The following STX11 variants were observed in gnomAD, a reference collection of about 807,000 sequenced individuals.
STX11 encodes the protein syntaxin-11.
STX11 carries 21 observed loss-of-function variants against 19.9 expected under a neutral mutation model. The ratio of observed to expected loss-of-function variants is 1.06; its 90% CI spans 0.75 to 1.52. The LOEUF (loss-of-function observed/expected upper bound fraction) is 1.52. Among genes scored for constraint, STX11 ranks in the 40% most tolerant of loss-of-function variants. The probability of loss-of-function intolerance (pLI) is 0.00; values close to 1 mark genes in which losing one functional copy is unlikely to be tolerated. For synonymous variants in STX11, 193 were observed against 174.4 expected (o/e 1.11, Z -0.84); for missense variants, 438 against 405.9 (o/e 1.08, Z -0.68).
In STX11 at chr6:144,159,155, G is replaced by A. The variant is rs932658737; in HGVS notation, c.-6+8452G>A. Among the ~76,000 whole-genome samples the A allele has an allele frequency of 6.6e-6, 1 of 152,176 alleles. No homozygotes were observed. The highest frequency in any genetic ancestry group is 1.5e-5 in the Non-Finnish European group (1 of 68,042). ...ATGAGTGAAAAAAATAACGATTCTG[G>A]TGAGCGTATTTATTCAACAACTATT... On this transcript the variant is annotated intron_variant, in intron 1 of 1. Coordinates refer to ENST00000367568, the MANE Select transcript of STX11 (RefSeq NM_003764.4). This position sits in a 1 kb window ranked among gnomAD's most constrained non-coding sequence, Gnocchi z 4.3.
In STX11 at chr6:144,182,122, A is replaced by C. The variant is rs992133401; in HGVS notation, c.-5-4501A>C. On this transcript the variant is annotated intron_variant, in intron 1 of 1. Coordinates refer to ENST00000367568, the MANE Select transcript of STX11 (RefSeq NM_003764.4). The surrounding 1 kb of genome is among the most constrained non-coding windows in gnomAD (Gnocchi z 4.8). ...CTGATTTTTCTTTCTCATTTACCAT[A>C]GTTCTCTTTCTAGGAACTCATAGTA... 5.9e-5 allele frequency among the ~76,000 whole-genome samples: 9 copies of C among 152,324 alleles called. No individual in the cohort carries two copies. Among genetic ancestry groups the C allele is most frequent in the Non-Finnish European group, 8.8e-5 (6 of 68,026 alleles).
In STX11 at chr6:144,155,990, CTTTCTTTCTTTCT is replaced by C; in HGVS notation, c.-6+5290_-6+5302del. ...TCTTTCTTTCTTTCTTTCTTTCTTT[CTTTCTTTCTTTCT>C]TTCTTTCTTTCTCTCTTTCTCTCCT... On this transcript the variant is annotated intron_variant, in intron 1 of 1. Transcript: ENST00000367568. The surrounding 1 kb of genome is among the most constrained non-coding windows in gnomAD (Gnocchi z 4.5). 1.5e-5 allele frequency among the ~76,000 whole-genome samples: 2 copies of C among 132,178 alleles called. No homozygotes were observed. Among genetic ancestry groups the C allele is most frequent in the Non-Finnish European group, 3.0e-5 (2 of 66,604 alleles). The allele number at this position is 132,178 out of a possible 152,430, so 86.7% of individuals were successfully genotyped here.
chr6:144,161,879 T>TTA (rs1156717965), intron 1 of STX11, among the ~76,000 whole-genome samples: 1 of 152,218 alleles, frequency 6.6e-6, no homozygotes, highest in Non-Finnish European at 1.5e-5. Context: ...CTCCTTATCT[T>TTA]TACTCTGTTA....
chr6:144,157,018 A>G lies in STX11; in HGVS notation c.-6+6315A>G, dbSNP rs564301175. Among the ~76,000 whole-genome samples the G allele has an allele frequency of 7.4e-4, 112 of 152,332 alleles. 1 individual carries two copies. The highest frequency in any genetic ancestry group is 2.5e-3 in the African/African-American group (105 of 41,572). ...CACCCAAGATTGCCCAAGAAGTTAA[A>G]TGCAGAGGCCTGCTACATGATGCTG... is the stretch of plus-strand genomic sequence containing the variant. On this transcript the variant is annotated intron_variant, in intron 1 of 1. Transcript: ENST00000367568.
the STX11 span, among the ~76,000 whole-genome samples, chr6:144,140,277 A>C: frequency 8.0e-6 from 1 of 125,084 alleles, no homozygotes; most frequent in South Asian, 2.8e-4. Context: ...TTTTTTGAGA[A>C]AGAATCTCAC....
rs1801369689 is a variant in STX11, at chr6:144,162,513, G to A, written c.-6+11810G>A. 6.6e-6 allele frequency among the ~76,000 whole-genome samples: 1 copy of A among 152,176 alleles called. No individual in the cohort carries two copies. Among genetic ancestry groups the A allele is most frequent in the African/African-American group, 2.4e-5 (1 of 41,424 alleles). ...TGCTATTTTATCCAGAATGTGGAAGGCGTCTTCAAAAATGCAAATATGCTT... is the reference window on the plus strand; with the variant it reads ...TGCTATTTTATCCAGAATGTGGAAGACGTCTTCAAAAATGCAAATATGCTT... On this transcript the variant is annotated intron_variant, in intron 1 of 1. Transcript: ENST00000367568. This position sits in a 1 kb window ranked among gnomAD's most constrained non-coding sequence, Gnocchi z 4.6.
At chr6:144,157,623 T>G (rs912596691) in intron 1 of STX11, among the ~76,000 whole-genome samples, 2 of 152,038 alleles carry the variant, frequency 1.3e-5, no homozygotes, top group Non-Finnish European at 2.9e-5. Flanking sequence ...GAAGACAAAG[T>G]AGTCTTAATC....
In STX11 at chr6:144,160,493, G is replaced by A. The variant is rs928385668; in HGVS notation, c.-6+9790G>A. ...TATATAAGTTAACAGGCAAATCTTGGGTTGAAAAAGTACCAGATTCGTTCT... is the reference window on the plus strand; with the variant it reads ...TATATAAGTTAACAGGCAAATCTTGAGTTGAAAAAGTACCAGATTCGTTCT... On this transcript the variant is annotated intron_variant, in intron 1 of 1. Coordinates refer to ENST00000367568, the MANE Select transcript of STX11 (RefSeq NM_003764.4). This position sits in a 1 kb window ranked among gnomAD's most constrained non-coding sequence, Gnocchi z 4.3. 1.3e-5 allele frequency among the ~76,000 whole-genome samples: 2 copies of A among 151,946 alleles called. No homozygotes were observed. The highest frequency in any genetic ancestry group is 4.8e-5 in the African/African-American group (2 of 41,328).
At chr6:144,140,550 T>G in the STX11 span, among the ~76,000 whole-genome samples, 1 of 152,196 alleles carries the variant, frequency 6.6e-6, no homozygotes, top group East Asian at 1.9e-4. Context: ...CCATCATGCC[T>G]GGCCCAATTC....
In STX11 at chr6:144,168,966, C is replaced by CT. The variant is rs1276821107; in HGVS notation, c.-5-17655dup. Reference sequence around the variant, plus strand: ...GACAGATGTGAAGGAATAACAAATTCTTGCAACTGTCATCCAGTGCAACTT... The same window carrying CT: ...GACAGATGTGAAGGAATAACAAATTCTTTGCAACTGTCATCCAGTGCAACTT... On this transcript the variant is annotated intron_variant, in intron 1 of 1. Transcript: ENST00000367568. 3.9e-5 allele frequency among the ~76,000 whole-genome samples: 6 copies of CT among 152,330 alleles called. No individual in the cohort carries two copies. In the East Asian group the frequency reaches 1.2e-3, roughly 29 times the overall value.
Position 144,169,719 on chromosome 6 carries a change from T to C in STX11, c.-5-16904T>C, listed in dbSNP as rs188760105. Among the ~76,000 whole-genome samples, 1 of 145,000 alleles carries C rather than the reference T, an allele frequency of 6.9e-6. No individual in the cohort carries two copies. Among genetic ancestry groups the C allele is most frequent in the Non-Finnish European group, 1.5e-5 (1 of 66,054 alleles). The stretch of plus-strand genomic sequence containing the variant: ...TTCCTTCCTACCTATGAGGTCTTGC[T>C]CTGTCACCCAGGCTGGAGTGCAGTG... On this transcript the variant is annotated intron_variant, in intron 1 of 1. Transcript: ENST00000367568. The surrounding 1 kb of genome is among the most constrained non-coding windows in gnomAD (Gnocchi z 5.2).
chr6:144,161,604 G>A (rs1366009721), intron 1 of STX11, among the ~76,000 whole-genome samples: 1 of 152,146 alleles, frequency 6.6e-6, no homozygotes, highest in Non-Finnish European at 1.5e-5. Flanking sequence ...CTGACCTCAG[G>A]TGATCCACCC....
chr6:144,161,450 C>A (rs1801336178), intron 1 of STX11, among the ~76,000 whole-genome samples: 1 of 152,134 alleles, frequency 6.6e-6, no homozygotes, highest in African/African-American at 2.4e-5. Flanking sequence ...TCACTGCAAC[C>A]CCCGCCTCCC....
rs1801778998 is a variant in STX11 at position 144,176,417 on chromosome 6, T to C, written c.-5-10206T>C. 6.6e-6 allele frequency among the ~76,000 whole-genome samples: 1 copy of C among 152,186 alleles called. No individual in the cohort carries two copies. The highest frequency in any genetic ancestry group is 1.5e-5 in the Non-Finnish European group (1 of 68,028). On this transcript the variant is annotated intron_variant, in intron 1 of 1. Coordinates refer to ENST00000367568, the MANE Select transcript of STX11 (RefSeq NM_003764.4). This position sits in a 1 kb window ranked among gnomAD's most constrained non-coding sequence, Gnocchi z 4.1. ...CCTCCCAAGGTTATTGTGAGGATTG[T>C]GGTGGATTTTATATCAGTTCTCAAG...
intron 1 of STX11, among the ~76,000 whole-genome samples, chr6:144,156,272 C>G (rs1253177175): frequency 6.6e-6 from 1 of 151,996 alleles, no homozygotes; most frequent in Non-Finnish European, 1.5e-5. Context: ...CCATGTTGGT[C>G]AGGCTGGTCT....
At position 144,150,720 on chromosome 6, in the gene STX11, C is replaced by T. The variant is rs73778534; in HGVS notation, c.-6+17C>T. 7.1e-6 allele frequency: 7 copies of T among 982,490 alleles called. No individual in the cohort carries two copies. In the African/African-American group the frequency reaches 1.2e-4, roughly 17 times the overall value. The allele number at this position is 982,490 out of a possible 1,614,324, so 60.9% of individuals were successfully genotyped here. ...CCAGTCCAGGTTTGTTTTTCTCTTC[C>T]TGAGCCCCCATTTCTCTTCCTGACT... On this transcript the variant is annotated intron_variant, in intron 1 of 1. Transcript: ENST00000367568.
chr6:144,180,808 T>C lies in STX11; in HGVS notation c.-5-5815T>C, dbSNP rs905316503. On this transcript the variant is annotated intron_variant, in intron 1 of 1. Transcript: ENST00000367568. The surrounding 1 kb of genome is among the most constrained non-coding windows in gnomAD (Gnocchi z 5.3). ...GATATGACAGAAAATTTTAAGATTCTATGTGCCAAATATAGTAGGCTATTC... is the reference window on the plus strand; with the variant it reads ...GATATGACAGAAAATTTTAAGATTCCATGTGCCAAATATAGTAGGCTATTC... Among the ~76,000 whole-genome samples, 6 of 152,214 alleles carry C rather than the reference T, an allele frequency of 3.9e-5. No individual in the cohort carries two copies. The highest frequency in any genetic ancestry group is 1.4e-4 in the African/African-American group (6 of 41,442).
At chr6:144,140,791 G>T in the STX11 span, 1 of 985,366 alleles carries the variant, frequency 1.0e-6, no homozygotes, top group Non-Finnish European at 1.2e-6. Context: ...AGAGAAGAAA[G>T]CCAGATCTCA....
Position 144,151,420 on chromosome 6 carries a change from G to A in STX11, c.-6+717G>A. On this transcript the variant is annotated intron_variant, in intron 1 of 1. Transcript: ENST00000367568. This position sits in a 1 kb window ranked among gnomAD's most constrained non-coding sequence, Gnocchi z 4.6. ...GTTATTTACAGGTATCCAAAAATGAGTCACAGGGCTGCTCTCTTAATTGTG... is the reference window on the plus strand; with the variant it reads ...GTTATTTACAGGTATCCAAAAATGAATCACAGGGCTGCTCTCTTAATTGTG... The A allele has an allele frequency of 1.0e-6, 1 of 985,390 alleles. No homozygotes were observed. Among genetic ancestry groups the A allele is most frequent in the Non-Finnish European group, 1.2e-6 (1 of 829,914 alleles). The allele number at this position is 985,390 out of a possible 1,614,324, so 61.0% of individuals were successfully genotyped here.
Sources: allele counts gnomAD v4.1 joint callset (sites outside exome capture counted in the v4.1 genomes callset), GRCh38; gene constraint gnomAD v4.1.1; non-coding constraint Gnocchi (gnomAD v3.1); transcripts MANE v1.5; gene names NCBI Gene and HGNC (gene_info 2026-07-23, HGNC 2026-07-21).